Variants in NIPAL2 observed in about 807,000 individuals in gnomAD.
NIPAL2 encodes NIPA like domain containing 2.
A neutral mutation model predicts 48.9 loss-of-function variants in NIPAL2; 43 were observed. That is an observed-to-expected ratio of 0.88 (90% CI 0.69 to 1.13). The LOEUF is 1.13. Ranked by LOEUF, NIPAL2 falls within the 50% of genes most tolerant of loss-of-function variation. The pLI, the probability that NIPAL2 is intolerant of heterozygous loss-of-function variation, is 0.00. For missense variants in NIPAL2, 446 were observed against 461.4 expected, an observed-to-expected ratio of 0.97 and a Z score of 0.31; for synonymous variants, 167 against 174.6, an observed-to-expected ratio of 0.96 and a Z score of 0.34.
Position 98,294,013 on chromosome 8 carries a change from C to A in NIPAL2, c.125G>T (p.Arg42Leu), listed in dbSNP as rs1238282827. Residue 42 changes from arginine to leucine, a missense_variant, in exon 1 of 11, where the codon CGC becomes CTC. Arg to Leu is a moderately radical substitution (Grantham distance 102). Coordinates refer to ENST00000430223, the MANE Select transcript of NIPAL2 (RefSeq NM_001321635.2). ...CGGGGCGGCCCTTACCTGGTTCCTG[C>A]GGTACCAGTCGCCCGAGAGGGAGCC... ...GNGSLSGDWY[R>L]RNQIHLFGVL... 2.0e-6 allele frequency: 3 copies of A among 1,491,438 alleles called. No individual in the cohort carries two copies. The highest frequency in any genetic ancestry group is 2.6e-5 in the South Asian group (2 of 78,294). 92.4% of individuals were successfully genotyped at this position (1,491,438 alleles called of 1,614,324 possible).
At chr8:98,266,136 G>A (rs940170902) in intron 1 of NIPAL2, among the ~76,000 whole-genome samples, 6 of 101,722 alleles carry the variant, frequency 5.9e-5, no homozygotes, top group Non-Finnish European at 9.1e-5. Context: ...CTGTTGTGGG[G>A]TGGGGGGAGG....
chr8:98,192,020 A>G lies in NIPAL2; in HGVS notation c.*958T>C, dbSNP rs1298722862. 2 of 152,238 alleles carry G rather than the reference A, an allele frequency of 1.3e-5. No individual in the cohort carries two copies. The highest frequency in any genetic ancestry group is 2.9e-5 in the Non-Finnish European group (2 of 68,048). 9.4% of individuals were successfully genotyped at this position (152,238 alleles called of 1,614,324 possible). On this transcript the variant is annotated 3_prime_UTR_variant, in exon 11 of 11. Transcript: ENST00000430223. ...AGTGAAACTATCACTAAGAATTTAAATGTGATTTTTTAGACTTATATGGAG... is the reference window on the plus strand; with the variant it reads ...AGTGAAACTATCACTAAGAATTTAAGTGTGATTTTTTAGACTTATATGGAG...
chr8:98,284,335 A>T (rs1288047702), intron 1 of NIPAL2, among the ~76,000 whole-genome samples: 1 of 152,128 alleles, frequency 6.6e-6, no homozygotes, highest in Admixed American at 6.5e-5. Flanking sequence ...ATAGCTCACC[A>T]GGTTATATAA....
At chr8:98,265,813 C>T (rs893833900) in intron 1 of NIPAL2, among the ~76,000 whole-genome samples, 20 of 146,276 alleles carry the variant, frequency 1.4e-4, no homozygotes, top group Admixed American at 2.7e-4. Flanking sequence ...AATCATGCTG[C>T]TATAAAGACA....
At chr8:98,197,309 T>C (rs1253741553) in intron 8 of NIPAL2, among the ~76,000 whole-genome samples, 1 of 152,236 alleles carries the variant, frequency 6.6e-6, no homozygotes, top group Admixed American at 6.5e-5. Flanking sequence ...AAAAAGTACA[T>C]ACCTTAATTA....
At position 98,264,623 on chromosome 8, in the gene NIPAL2, A is replaced by G. The variant is rs2130861433; in HGVS notation, c.136-10536T>C. 2.0e-5 allele frequency among the ~76,000 whole-genome samples: 3 copies of G among 150,936 alleles called. No homozygotes were observed. In the South Asian group the frequency reaches 6.4e-4, roughly 32 times the overall value. On this transcript the variant is annotated intron_variant, in intron 1 of 10. Coordinates refer to ENST00000430223, the MANE Select transcript of NIPAL2 (RefSeq NM_001321635.2). Reference sequence around the variant, plus strand: ...GAACTACAAACCCCTGCTCAAGGAAATAAAAGAGGATACAAACAAATGGAA... The same window carrying G: ...GAACTACAAACCCCTGCTCAAGGAAGTAAAAGAGGATACAAACAAATGGAA...
At chr8:98,237,695 T>A (rs1812788638) in intron 3 of NIPAL2, among the ~76,000 whole-genome samples, 1 of 152,174 alleles carries the variant, frequency 6.6e-6, no homozygotes, top group Non-Finnish European at 1.5e-5. Flanking sequence ...GTAATTATAA[T>A]TCCCAGAATC....
chr8:98,222,716 T>A, intron 4 of NIPAL2, 116 bp from the exon 5 acceptor site: 1 of 959,622 alleles, frequency 1.0e-6, no homozygotes, highest in Non-Finnish European at 1.6e-6. Context: ...CCCCTCCCTA[T>A]TATACTCCGT....
At chr8:98,239,916 A>C (rs1418793538) in intron 3 of NIPAL2, among the ~76,000 whole-genome samples, 1 of 152,214 alleles carries the variant, frequency 6.6e-6, no homozygotes, top group South Asian at 2.1e-4. Context: ...CATCAACTGA[A>C]GTACTCGCAT....
intron 4 of NIPAL2, among the ~76,000 whole-genome samples, chr8:98,224,064 C>T (rs1310696076): frequency 6.6e-6 from 1 of 152,176 alleles, no homozygotes; most frequent in African/African-American, 2.4e-5. Flanking sequence ...ATCCAGATTT[C>T]TAGTTATATC....
chr8:98,293,839 C>T (rs1281305938), intron 1 of NIPAL2, among the ~76,000 whole-genome samples, 164 bp downstream of exon 1: 1 of 152,194 alleles, frequency 6.6e-6, no homozygotes, highest in Non-Finnish European at 1.5e-5. Flanking sequence ...ATGAGGCGGA[C>T]TTAGGTCAAT....
At position 98,252,523 on chromosome 8, in the gene NIPAL2, C is replaced by A; in HGVS notation, c.316G>T (p.Ala106Ser). 6.2e-7 allele frequency: 1 copy of A among 1,614,090 alleles called. No homozygotes were observed. ...LMAVGETGNF[A>S]AYGFAPITLI... ...GTAATGGGAGCAAATCCATAGGCTGCAAAGTTCCCCGTCTCTCCCACGGCC... is the reference window on the plus strand; with the variant it reads ...GTAATGGGAGCAAATCCATAGGCTGAAAAGTTCCCCGTCTCTCCCACGGCC... Residue 106 changes from alanine to serine, a missense_variant, in exon 3 of 11, where the codon GCA (alanine) becomes TCA (serine). Transcript: ENST00000430223.
intron 10 of NIPAL2, 50 bp downstream of exon 10, chr8:98,194,678 A>G (rs550788415): frequency 1.0e-6 from 1 of 987,490 alleles, no homozygotes; most frequent in East Asian, 2.7e-5. Context: ...ACCAATAACT[A>G]TTCATTTATA....
intron 1 of NIPAL2, among the ~76,000 whole-genome samples, chr8:98,265,385 G>T (rs1431838389): frequency 7.3e-6 from 1 of 136,128 alleles, no homozygotes; most frequent in Non-Finnish European, 1.6e-5. Flanking sequence ...CTACTCATCT[G>T]ACAAAGGGCT....
chr8:98,280,761 T>TATATATAGAGAGAGAGAG lies in NIPAL2; in HGVS notation c.135+13241_135+13242insCTCTCTCTCTCTATATAT. Among the ~76,000 whole-genome samples, 191 of 29,996 alleles carry TATATATAGAGAGAGAGAG rather than the reference T, an allele frequency of 6.4e-3. 4 individuals carry two copies. The highest frequency in any genetic ancestry group is 0.021 in the Middle Eastern group (1 of 48). 19.7% of individuals were successfully genotyped at this position (29,996 alleles called of 152,430 possible). A position where few individuals can be genotyped will look rare whatever the true frequency, so the allele number is the denominator to read the frequency against. On this transcript the variant is annotated intron_variant, in intron 1 of 10. Transcript: ENST00000430223. ...CTATATATATATATATATATATATATAGAGAGAGAGAGAGAGAGAGAGAGA... is the reference window on the plus strand; with the variant it reads ...CTATATATATATATATATATATATATATATATAGAGAGAGAGAGAGAGAGAGAGAGAGAGAGAGAGAGA...
rs78120072 is a variant in NIPAL2 at position 98,267,839 on chromosome 8, T to G, written c.136-13752A>C. Among the ~76,000 whole-genome samples the G allele has an allele frequency of 2.6e-3, 395 of 152,298 alleles. 1 individual carries two copies. The highest frequency in any genetic ancestry group is 5.0e-3 in the Non-Finnish European group (337 of 68,014). ...CCTGAAGTTAGAATTAACTTTGAAG[T>G]TTGTTCCCCACCCCCTGGAACCTAC... On this transcript the variant is annotated intron_variant, in intron 1 of 10. Transcript: ENST00000430223.
chr8:98,280,755 T>TAGAGAGAGAG (rs1364661957), intron 1 of NIPAL2, among the ~76,000 whole-genome samples: 24 of 32,286 alleles, frequency 7.4e-4, no homozygotes, highest in Admixed American at 1.9e-3. Context: ...TATATATATA[T>TAGAGAGAGAG]ATATATAGAG....
chr8:98,292,595 T>C (rs904899699), intron 1 of NIPAL2, among the ~76,000 whole-genome samples: 1 of 152,184 alleles, frequency 6.6e-6, no homozygotes, highest in African/African-American at 2.4e-5. Context: ...CACATGATAA[T>C]CTGTGTTTGG....
chr8:98,222,629 A>G, intron 4 of NIPAL2, 29 bp from the exon 5 acceptor site: 2 of 1,610,020 alleles, frequency 1.2e-6, no homozygotes, highest in Non-Finnish European at 1.7e-6. Context: ...AGAAAAACCA[A>G]ATTGAAACCA....
Sources: allele counts gnomAD v4.1 joint callset (sites outside exome capture counted in the v4.1 genomes callset), GRCh38; gene constraint gnomAD v4.1.1; transcripts MANE v1.5; gene names NCBI Gene and HGNC (gene_info 2026-07-23, HGNC 2026-07-21).